CACNA1S: variants seen among roughly 807,000 people sequenced by gnomAD.
CACNA1S encodes the protein voltage-dependent L-type calcium channel subunit alpha-1S.
Under a neutral mutation model 207.4 loss-of-function variants are expected in CACNA1S, and 126 were observed. That is an observed-to-expected ratio of 0.61 (90% CI 0.53 to 0.70). The LOEUF (loss-of-function observed/expected upper bound fraction) is 0.70, where lower values mean the gene tolerates loss of function less well. CACNA1S is among the 30% of genes least tolerant of loss of function. The pLI, the probability that CACNA1S is intolerant of heterozygous loss-of-function variation, is 0.00. For missense variants in CACNA1S, 2,349 were observed against 2,422.8 expected, an observed-to-expected ratio of 0.97 and a Z score of 0.64; for synonymous variants, 960 against 932.7, an observed-to-expected ratio of 1.03 and a Z score of -0.53.
At chr1:201,099,383 G>T (rs1662558060) in intron 2 of CACNA1S, among the ~76,000 whole-genome samples, 1 of 152,158 alleles carries the variant, frequency 6.6e-6, no homozygotes. Context: ...GGAAGGGGCT[G>T]GCAGAGGCAG....
At chr1:201,083,095 G>T in intron 10 of CACNA1S, 67 bp downstream of exon 10, 1 of 1,557,370 alleles carries the variant, frequency 6.4e-7, no homozygotes, top group South Asian at 1.1e-5. Flanking sequence ...TGGTGCCATT[G>T]GCTGATTTTG....
At position 201,066,805 on chromosome 1, in the gene CACNA1S, C is replaced by T; in HGVS notation, c.2657+82G>A. On this transcript the variant is annotated intron_variant, in intron 20 of 43. Coordinates refer to ENST00000362061, the MANE Select transcript of CACNA1S (RefSeq NM_000069.3). This position sits in a 1 kb window ranked among gnomAD's most constrained non-coding sequence, Gnocchi z 4.3. ...TCCTCTTGTGGCAGGGGCCCACCAA[C>T]ATGGGTGGGACTCCCACTACAAAGC... The T allele has an allele frequency of 1.9e-6, 2 of 1,030,826 alleles. No homozygotes were observed. The highest frequency in any genetic ancestry group is 3.0e-6 in the Non-Finnish European group (2 of 672,886). The allele number at this position is 1,030,826 out of a possible 1,614,324, so 63.9% of individuals were successfully genotyped here. A position where few individuals can be genotyped will look rare whatever the true frequency, so the allele number is the denominator to read the frequency against.
At chr1:201,090,076 T>G (rs914222012) in intron 5 of CACNA1S, among the ~76,000 whole-genome samples, 5 of 152,218 alleles carry the variant, frequency 3.3e-5, no homozygotes, top group Non-Finnish European at 2.9e-5. Flanking sequence ...ACAGTCTCCT[T>G]TTGTGTTCAG....
At position 201,091,398 on chromosome 1, in the gene CACNA1S, A is replaced by ATGG. The variant is rs1558080478; in HGVS notation, c.694+241_694+242insCCA. ...GAACATACCACATTGTATGTGGGGCAGGGGGGTGACGGTGTTTCAGAACCA... is the reference window on the plus strand; with the variant it reads ...GAACATACCACATTGTATGTGGGGCATGGGGGGGGTGACGGTGTTTCAGAACCA... On this transcript the variant is annotated intron_variant, in intron 5 of 43. Transcript: ENST00000362061. 1.2e-3 allele frequency among the ~76,000 whole-genome samples: 178 copies of ATGG among 152,190 alleles called. 1 individual carries two copies. Among genetic ancestry groups the ATGG allele is most frequent in the African/African-American group, 3.5e-3 (145 of 41,522 alleles).
rs1453298040 is a variant in CACNA1S, at chr1:201,039,832, C to A, written c.5621G>T (p.Ter1874LeuextTer13). ...GCCCATGCTGATGCTGTGTGGGCAT[C>A]ACAGCCTTGGAGGAATAAGGGTCTC... ...SQETLIPPRL* is the reference protein window; with the variant it reads ...SQETLIPPRLL Residue 1874 changes from the stop codon to leucine (L), a stop_lost, in exon 44 of 44, where the codon TGA becomes TTA. Transcript: ENST00000362061. 1 of 1,603,724 alleles carries A rather than the reference C, an allele frequency of 6.2e-7. No individual in the cohort carries two copies. The highest frequency in any genetic ancestry group is 8.5e-7 in the Non-Finnish European group (1 of 1,179,996).
chr1:201,073,416 G>A, intron 15 of CACNA1S, 133 bp downstream of exon 15: 2 of 796,624 alleles, frequency 2.5e-6, no homozygotes, highest in East Asian at 2.4e-5. Context: ...GTCGTACGCA[G>A]GGAGATGCCC....
At chr1:201,094,674 G>A (rs570462165) in intron 2 of CACNA1S, among the ~76,000 whole-genome samples, 114 of 152,188 alleles carry the variant, frequency 7.5e-4, no homozygotes, top group African/African-American at 2.4e-3. Context: ...TCCCCTGCCC[G>A]TCCCACCTGC....
chr1:201,065,196 C>A (rs947447691), intron 22 of CACNA1S, among the ~76,000 whole-genome samples: 1 of 152,228 alleles, frequency 6.6e-6, no homozygotes, highest in African/African-American at 2.4e-5. Context: ...ACATATTAGC[C>A]TTAAAACTCT....
rs1660700275 is a variant in CACNA1S, at chr1:201,052,760, A to G, written c.3862-112T>C. On this transcript the variant is annotated intron_variant, in intron 31 of 43. Transcript: ENST00000362061. Reference sequence around the variant, plus strand: ...CTACCTTCGCCCCTACTTCCCCAAAATTCCCTTCATTGCGGGCCACATCAG... The same window carrying G: ...CTACCTTCGCCCCTACTTCCCCAAAGTTCCCTTCATTGCGGGCCACATCAG... 20 of 865,650 alleles carry G rather than the reference A, an allele frequency of 2.3e-5. No homozygotes were observed. The South Asian group carries it at 2.5e-4, about 11-fold the overall frequency. The allele number at this position is 865,650 out of a possible 1,614,324, so 53.6% of individuals were successfully genotyped here. A position where few individuals can be genotyped will look rare whatever the true frequency, so the allele number is the denominator to read the frequency against.
intron 2 of CACNA1S, among the ~76,000 whole-genome samples, chr1:201,104,603 C>T (rs1662804947): frequency 6.6e-6 from 1 of 152,194 alleles, no homozygotes; most frequent in African/African-American, 2.4e-5. Context: ...CACACGCCTG[C>T]TTGTTCTCTT....
intron 23 of CACNA1S, 42 bp downstream of exon 23, chr1:201,062,420 C>T (rs768110951): frequency 2.5e-6 from 4 of 1,595,624 alleles, no homozygotes; most frequent in East Asian, 2.2e-5. Flanking sequence ...CACCATGCTC[C>T]CTGCCCCGTG....
intron 2 of CACNA1S, among the ~76,000 whole-genome samples, chr1:201,095,787 T>C (rs4915483): frequency 0.89 from 135,961 of 152,156 alleles, 61,365 homozygotes; most frequent in Middle Eastern, 0.98. Flanking sequence ...GTGGGGCAGC[T>C]GCTCCAAGGA....
Position 201,058,520 on chromosome 1 carries a change from G to C in CACNA1S, c.3526-29C>G, listed in dbSNP as rs757988885. 6.4e-6 allele frequency: 10 copies of C among 1,560,834 alleles called. No individual in the cohort carries two copies. In the South Asian group the frequency reaches 1.1e-4, roughly 17 times the overall value. ...GGAAGGAAAAGGATGGGAAAGCGAGGGGGTGAGCTTTGGGAGGAAGGAGCT... is the reference window on the plus strand; with the variant it reads ...GGAAGGAAAAGGATGGGAAAGCGAGCGGGTGAGCTTTGGGAGGAAGGAGCT... On this transcript the variant is annotated intron_variant, in intron 27 of 43. Transcript: ENST00000362061.
chr1:201,049,872 C>T (rs1423455667), intron 34 of CACNA1S, among the ~76,000 whole-genome samples: 1 of 152,208 alleles, frequency 6.6e-6, no homozygotes, highest in African/African-American at 2.4e-5. Flanking sequence ...TACTTAACCT[C>T]TCTGAACCTC....
At chr1:201,056,080 C>CACACACACACAT (rs1553249513) in intron 28 of CACNA1S, among the ~76,000 whole-genome samples, 77 of 141,752 alleles carry the variant, frequency 5.4e-4, no homozygotes, top group African/African-American at 7.7e-4. Context: ...GACACACACA[C>CACACACACACAT]ACACACACAC....
intron 8 of CACNA1S, 112 bp downstream of exon 8, chr1:201,085,324 A>C: frequency 7.0e-7 from 1 of 1,432,368 alleles, no homozygotes; most frequent in Non-Finnish European, 9.8e-7. Flanking sequence ...CAAGTCACTC[A>C]CCCTCAAAGG....
At chr1:201,095,607 G>C (rs573951834) in intron 2 of CACNA1S, among the ~76,000 whole-genome samples, 19 of 152,224 alleles carry the variant, frequency 1.2e-4, no homozygotes, top group Non-Finnish European at 2.8e-4. Flanking sequence ...CAACATACAA[G>C]GACTAGACTT....
chr1:201,052,689 A>T, intron 31 of CACNA1S, 41 bp from the exon 32 acceptor site: 1 of 1,503,818 alleles, frequency 6.6e-7, no homozygotes, highest in Non-Finnish European at 9.3e-7. Flanking sequence ...ACCTAGATTA[A>T]AGTGTCCCCT....
intron 2 of CACNA1S, 32 bp downstream of exon 2, chr1:201,110,132 C>G: frequency 1.3e-6 from 2 of 1,590,156 alleles, no homozygotes; most frequent in Non-Finnish European, 1.7e-6. Flanking sequence ...GCTGCAGGCT[C>G]GCAGGAAGGG....
Sources: gnomAD v4.1 joint callset for allele counts (sites outside exome capture counted in the v4.1 genomes callset) on GRCh38, gnomAD v4.1.1 for gene constraint, Gnocchi (gnomAD v3.1) non-coding constraint, MANE v1.5 for transcripts, NCBI Gene and HGNC (gene_info 2026-07-23, HGNC 2026-07-21) for gene names.